The following RASGRF1 variants were observed in gnomAD, a reference collection of about 807,000 sequenced individuals.
RASGRF1 encodes ras-specific guanine nucleotide-releasing factor 1.
In RASGRF1, 40 loss-of-function variants were observed where a neutral mutation model predicts 138.7. That is an observed-to-expected ratio of 0.29 (90% CI 0.22 to 0.38). The LOEUF (loss-of-function observed/expected upper bound fraction) is 0.38. RASGRF1 is among the 10% of genes least tolerant of loss of function. The probability of loss-of-function intolerance (pLI) is 1.00; values close to 1 mark genes in which losing one functional copy is unlikely to be tolerated. For missense variants in RASGRF1, 1,108 were observed against 1,650.4 expected (o/e 0.67, Z 5.69); for synonymous variants, 614 against 663.2 (o/e 0.93, Z 1.14).
chr15:79,049,528 C>T lies in RASGRF1; in HGVS notation c.592G>A (p.Asp198Asn), dbSNP rs150981409. The change falls in exon 4 of 27, where the codon GAT becomes AAT. Residue 198 changes from aspartate (D) to asparagine (N), a missense_variant. By Grantham distance (23) the Asp-to-Asn change is conservative. This residue lies in a region of RASGRF1 where 253 missense variants were observed against 329.5 expected (regional missense o/e 0.77). Coordinates refer to ENST00000558480, the MANE Select transcript of RASGRF1 (RefSeq NM_001145648.3). ...ATTTTCTTGATGTCGCTGTCTTCAT[C>T]GTTGGGGGCGACAGTCTGGGTGGAC... The part of the protein sequence containing the change: ...IQSTQTVAPN[D>N]EDSDIKKIKK... 7 of 1,614,026 alleles carry T rather than the reference C, an allele frequency of 4.3e-6. No homozygotes were observed. The African/African-American group carries it at 6.7e-5, about 15-fold the overall frequency.
At position 78,973,321 on chromosome 15, in the gene RASGRF1, G is replaced by A; in HGVS notation, c.3594C>T (p.Asn1198=). Residue 1198 remains asparagine (N), a synonymous_variant, in exon 25 of 27, where the codon AAC becomes AAT. Transcript: ENST00000558480. This position sits in a 1 kb window ranked among gnomAD's most constrained non-coding sequence, Gnocchi z 4.9. ...TPNYTEDGLV[N]FSKMRMISHI... ...AACGCACCATCCTCATCTTGGAGAA[G>A]TTGACCAGGCCGTCTTCCGTGTAAT... 1 of 1,612,500 alleles carries A rather than the reference G, an allele frequency of 6.2e-7. No homozygotes were observed. The highest frequency in any genetic ancestry group is 8.5e-7 in the Non-Finnish European group (1 of 1,178,840).
intron 19 of RASGRF1, 85 bp from the exon 20 acceptor site, chr15:78,995,885 G>T: frequency 7.7e-7 from 1 of 1,298,862 alleles, no homozygotes; most frequent in South Asian, 1.2e-5. Context: ...CACGGCCTCT[G>T]CTCTTACGCC....
At chr15:78,966,568 T>C (rs1471837586) in intron 26 of RASGRF1, among the ~76,000 whole-genome samples, 6 of 152,102 alleles carry the variant, frequency 3.9e-5, no homozygotes, top group African/African-American at 1.4e-4. Context: ...AATTGTATTT[T>C]TATTTCTTTT....
intron 8 of RASGRF1, among the ~76,000 whole-genome samples, chr15:79,029,390 T>A (rs1567545219): frequency 6.6e-6 from 1 of 152,184 alleles, no homozygotes; most frequent in Non-Finnish European, 1.5e-5. Flanking sequence ...CTGTGTTTGG[T>A]AAAACACAAG....
chr15:79,013,614 G>T (rs545868013), intron 13 of RASGRF1, among the ~76,000 whole-genome samples: 1 of 152,390 alleles, frequency 6.6e-6, no homozygotes, highest in South Asian at 2.1e-4. Flanking sequence ...ACATGGCCCA[G>T]ATGGGAGCAG....
chr15:79,038,503 TA>T (rs1320818042), intron 5 of RASGRF1, among the ~76,000 whole-genome samples: 1 of 152,330 alleles, frequency 6.6e-6, no homozygotes, highest in Admixed American at 6.5e-5. Context: ...TTGATTTGCT[TA>T]AAAAAATCAA....
At chr15:79,017,680 C>T (rs544834865) in intron 12 of RASGRF1, 90 bp downstream of exon 12, 1 of 1,401,350 alleles carries the variant, frequency 7.1e-7, no homozygotes, top group Non-Finnish European at 9.6e-7. Context: ...TACTCCACCA[C>T]CCCCACCCCC....
chr15:79,089,841 G>A (rs979538789), intron 1 of RASGRF1, among the ~76,000 whole-genome samples: 3 of 152,182 alleles, frequency 2.0e-5, no homozygotes, highest in Admixed American at 6.5e-5. Context: ...GGGCTATTAG[G>A]GCTGGGCGGT....
At chr15:78,999,951 G>T in intron 16 of RASGRF1, 38 bp from the exon 17 acceptor site, 1 of 1,595,342 alleles carries the variant, frequency 6.3e-7, no homozygotes, top group Non-Finnish European at 8.6e-7. Context: ...GCTGTCCCCA[G>T]TCCCAACTCC....
chr15:78,960,845 A>G lies in RASGRF1; in HGVS notation c.*1299T>C, dbSNP rs1463751290. On this transcript the variant is annotated 3_prime_UTR_variant, in exon 27 of 27. Transcript: ENST00000558480. ...CTCCGGTCCCAGGCTGGGCTGGGTAAGGAGCAAGTGCTCATCAAATATTCC... is the reference window on the plus strand; with the variant it reads ...CTCCGGTCCCAGGCTGGGCTGGGTAGGGAGCAAGTGCTCATCAAATATTCC... The G allele has an allele frequency of 6.6e-6, 1 of 152,240 alleles. No individual in the cohort carries two copies. Among genetic ancestry groups the G allele is most frequent in the African/African-American group, 2.4e-5 (1 of 41,460 alleles). 9.4% of individuals were successfully genotyped at this position (152,240 alleles called of 1,614,324 possible).
intron 13 of RASGRF1, among the ~76,000 whole-genome samples, chr15:79,008,227 A>G (rs1298476747): frequency 6.6e-6 from 1 of 152,194 alleles, no homozygotes; most frequent in Non-Finnish European, 1.5e-5. Context: ...TCCCTTTCAC[A>G]CTGTCTTTCT....
rs945572514 is a variant in RASGRF1, at chr15:79,032,522, A to G, written c.959-206T>C. ...GGTGGGCCCCCATCATTGGGACCAC[A>G]TTAGAATCACAGACTCTTAGAGACG... is the stretch of plus-strand genomic sequence containing the variant. On this transcript the variant is annotated intron_variant, in intron 6 of 26. Coordinates refer to ENST00000558480, the MANE Select transcript of RASGRF1 (RefSeq NM_001145648.3). The surrounding 1 kb of genome is among the most constrained non-coding windows in gnomAD (Gnocchi z 4.5). Among the ~76,000 whole-genome samples, 1 of 152,178 alleles carries G rather than the reference A, an allele frequency of 6.6e-6. No homozygotes were observed. The highest frequency in any genetic ancestry group is 1.9e-4 in the East Asian group (1 of 5,192).
At chr15:79,059,212 C>A (rs1595949975) in intron 2 of RASGRF1, among the ~76,000 whole-genome samples, 1 of 136,068 alleles carries the variant, frequency 7.3e-6, no homozygotes, top group Non-Finnish European at 1.6e-5. Context: ...TCTTTCCCTT[C>A]CCTTCCCTAT....
chr15:79,075,809 C>A (rs2057825315), intron 1 of RASGRF1, among the ~76,000 whole-genome samples: 1 of 152,226 alleles, frequency 6.6e-6, no homozygotes, highest in Admixed American at 6.5e-5. Flanking sequence ...GGCAGTGAAG[C>A]TCAGAGCTGG....
At chr15:78,991,297 T>C (rs2056261895) in intron 21 of RASGRF1, among the ~76,000 whole-genome samples, 1 of 152,214 alleles carries the variant, frequency 6.6e-6, no homozygotes, top group Admixed American at 6.5e-5. Flanking sequence ...GCCTTGGGGC[T>C]TCTTCAAAGT....
intron 2 of RASGRF1, among the ~76,000 whole-genome samples, chr15:79,059,217 C>G (rs1595949990): frequency 1.7e-5 from 2 of 117,240 alleles, no homozygotes; most frequent in Non-Finnish European, 3.5e-5. Context: ...CCCTTCCCTT[C>G]CCTATCCTTC....
At chr15:79,081,985 G>C (rs2057919699) in intron 1 of RASGRF1, among the ~76,000 whole-genome samples, 1 of 152,194 alleles carries the variant, frequency 6.6e-6, no homozygotes, top group Admixed American at 6.5e-5. Flanking sequence ...GGGGAGGCCA[G>C]GCAAGGATCC....
intron 1 of RASGRF1, among the ~76,000 whole-genome samples, chr15:79,081,922 G>A (rs2057919063): frequency 6.6e-6 from 1 of 152,170 alleles, no homozygotes. Context: ...TGGCCAAAAT[G>A]CTTCTGTGAC....
intron 7 of RASGRF1, among the ~76,000 whole-genome samples, chr15:79,031,758 G>A (rs1262621218): frequency 6.6e-6 from 1 of 151,754 alleles, no homozygotes; most frequent in Admixed American, 6.6e-5. Flanking sequence ...ACGAGGGGGT[G>A]GTGGGAGAGA....
Sources: gnomAD v4.1 joint callset for allele counts (sites outside exome capture counted in the v4.1 genomes callset) on GRCh38, gnomAD v4.1.1 for gene constraint, gnomAD v4.1.1 regional missense constraint, Gnocchi (gnomAD v3.1) non-coding constraint, MANE v1.5 for transcripts, NCBI Gene and HGNC (gene_info 2026-07-23, HGNC 2026-07-21) for gene names.